ADAM20: variants seen among roughly 807,000 people sequenced by gnomAD.
The protein encoded by ADAM20 is disintegrin and metalloproteinase domain-containing protein 20.
For synonymous variants in ADAM20, 305 were observed against 310.2 expected (o/e 0.98, Z 0.18); for missense variants, 871 against 883.2 (o/e 0.99, Z 0.18).
the ADAM20 span, among the ~76,000 whole-genome samples, chr14:70,576,999 G>GA: frequency 1.3e-5 from 2 of 152,106 alleles, no homozygotes; most frequent in African/African-American, 4.8e-5. Context: ...GGAAGGCAAA[G>GA]AAAAGGGTAA....
the ADAM20 span, among the ~76,000 whole-genome samples, chr14:70,561,427 C>T: frequency 6.6e-6 from 1 of 152,236 alleles, no homozygotes; most frequent in Admixed American, 6.5e-5. Context: ...AATTTGTAGT[C>T]TGACCATACA....
chr14:70,544,492 T>G, the ADAM20 span, among the ~76,000 whole-genome samples: 1 of 152,194 alleles, frequency 6.6e-6, no homozygotes, highest in Non-Finnish European at 1.5e-5. Context: ...TACATGGAAA[T>G]TTCTGGCTTT....
the ADAM20 span, among the ~76,000 whole-genome samples, chr14:70,565,458 C>T: frequency 6.6e-6 from 1 of 152,076 alleles, no homozygotes; most frequent in Non-Finnish European, 1.5e-5. Flanking sequence ...TAGAACAAGA[C>T]ATTATAGTCA....
At chr14:70,527,798 C>T (rs1883621959) in intron 1 of ADAM20, among the ~76,000 whole-genome samples, 1 of 152,128 alleles carries the variant, frequency 6.6e-6, no homozygotes, top group Non-Finnish European at 1.5e-5. Flanking sequence ...TCTATCCCTC[C>T]CCTACATGCA....
At chr14:70,553,309 T>TAAAAAAAAAA in the ADAM20 span, among the ~76,000 whole-genome samples, 12 of 17,250 alleles carry the variant, frequency 7.0e-4, no homozygotes, top group African/African-American at 1.4e-3. Context: ...TAGAGTATAA[T>TAAAAAAAAAA]AAAAAAAAAA....
At chr14:70,547,697 C>T in the ADAM20 span, among the ~76,000 whole-genome samples, 2 of 13,576 alleles carry the variant, frequency 1.5e-4, no homozygotes, top group African/African-American at 7.9e-4. Flanking sequence ...AGTCTGAGAT[C>T]AAACTGCAAG....
chr14:70,547,150 A>G, the ADAM20 span: 1 of 152,250 alleles, frequency 6.6e-6, no homozygotes, highest in Non-Finnish European at 1.5e-5. Context: ...AACTATGAAG[A>G]TATCCAAAGC....
At chr14:70,533,700 T>C (rs990224533) in intron 1 of ADAM20, among the ~76,000 whole-genome samples, 1 of 151,838 alleles carries the variant, frequency 6.6e-6, no homozygotes, top group Non-Finnish European at 1.5e-5. Flanking sequence ...CAAACCACCA[T>C]GGCACATGTA....
the ADAM20 span, among the ~76,000 whole-genome samples, chr14:70,563,030 C>G: frequency 6.6e-6 from 1 of 152,176 alleles, no homozygotes; most frequent in Admixed American, 6.5e-5. Flanking sequence ...CGAAACTTGA[C>G]AACTTTCAAT....
Position 70,523,525 on chromosome 14 carries a change from C to G in ADAM20, c.1233G>C (p.Gly411=), listed in dbSNP as rs1883505354. 1 of 1,613,970 alleles carries G rather than the reference C, an allele frequency of 6.2e-7. No individual in the cohort carries two copies. Among genetic ancestry groups the G allele is most frequent in the South Asian group, 1.1e-5 (1 of 91,082 alleles). Residue 411 remains glycine (G), a synonymous_variant, in exon 2 of 2, where the codon GGG becomes GGC. Transcript: ENST00000256389. ...PGNIFRLKYC[G]NLVVEEGEEC... is the part of the protein sequence containing the mutation. ...CCTCCCCTTCTTCAACCACTAGATT[C>G]CCACAGTACTTCAGTCTAAATATAT...
intron 1 of ADAM20, among the ~76,000 whole-genome samples, chr14:70,531,377 T>C (rs1324413246): frequency 6.6e-6 from 1 of 152,046 alleles, no homozygotes; most frequent in Non-Finnish European, 1.5e-5. Context: ...TATACAGGCA[T>C]GTATGGAAAA....
At chr14:70,540,134 C>T in the ADAM20 span, among the ~76,000 whole-genome samples, 2 of 152,172 alleles carry the variant, frequency 1.3e-5, no homozygotes, top group African/African-American at 4.8e-5. Context: ...CTGCCTTGGC[C>T]TCCCAAAGTG....
At position 70,523,572 on chromosome 14, in the gene ADAM20, G is replaced by C. The variant is rs769252835; in HGVS notation, c.1186C>G (p.Gln396Glu). ...ATATTCCCTGGATATGGAGGCGGTT[G>C]AATACATAATCCACTACTGATAGTA... The part of the protein sequence containing the change: ...DSTISSGLCI[Q>E]PPPYPGNIFR... Residue 396 changes from glutamine (Q) to glutamate (E), a missense_variant, in exon 2 of 2, where the codon CAA becomes GAA. By Grantham distance (29) the Gln-to-Glu change is conservative. Coordinates refer to ENST00000256389, the MANE Select transcript of ADAM20 (RefSeq NM_003814.5). 1 of 1,614,066 alleles carries C rather than the reference G, an allele frequency of 6.2e-7. No individual in the cohort carries two copies. Among genetic ancestry groups the C allele is most frequent in the South Asian group, 1.1e-5 (1 of 91,086 alleles).
At chr14:70,571,262 A>G in the ADAM20 span, among the ~76,000 whole-genome samples, 4 of 152,176 alleles carry the variant, frequency 2.6e-5, no homozygotes, top group African/African-American at 9.7e-5. Context: ...TGTAGTTCCC[A>G]CAATCCCCAT....
chr14:70,535,396 G>A (rs546662607), upstream of ADAM20, among the ~76,000 whole-genome samples: 7 of 152,294 alleles, frequency 4.6e-5, no homozygotes, highest in African/African-American at 1.7e-4. Flanking sequence ...CAAGGGAAAG[G>A]GAAGAAACTG....
chr14:70,571,464 T>C, the ADAM20 span, among the ~76,000 whole-genome samples: 14 of 152,216 alleles, frequency 9.2e-5, no homozygotes, highest in African/African-American at 3.1e-4. Flanking sequence ...CCTTATGCCA[T>C]GATTGTAAGT....
the ADAM20 span, among the ~76,000 whole-genome samples, chr14:70,554,187 A>T: frequency 6.6e-6 from 1 of 152,248 alleles, no homozygotes. Context: ...ATAAAATAAA[A>T]TACCTTATAG....
the ADAM20 span, among the ~76,000 whole-genome samples, chr14:70,547,065 G>A: frequency 6.6e-6 from 1 of 152,116 alleles, no homozygotes; most frequent in Admixed American, 6.6e-5. Flanking sequence ...GCTACTATGA[G>A]CAACTATATG....
chr14:70,558,583 A>G, the ADAM20 span, among the ~76,000 whole-genome samples: 1 of 152,272 alleles, frequency 6.6e-6, no homozygotes, highest in East Asian at 1.9e-4. Flanking sequence ...GAAACAGATA[A>G]GAGTACAGAA....
Sources: allele counts gnomAD v4.1 joint callset (sites outside exome capture counted in the v4.1 genomes callset), GRCh38; gene constraint gnomAD v4.1.1; transcripts MANE v1.5; gene names NCBI Gene and HGNC (gene_info 2026-07-23, HGNC 2026-07-21).